Variants in LRRC37A2 observed in about 807,000 individuals in gnomAD.
LRRC37A2 encodes leucine rich repeat containing 37 member A2, also known as leucine-rich repeat-containing protein 37A2.
Under a neutral mutation model 68.8 loss-of-function variants are expected in LRRC37A2, and 9 were observed. That is an observed-to-expected ratio of 0.13 (90% confidence interval 0.08 to 0.23). The LOEUF (loss-of-function observed/expected upper bound fraction) is 0.23, where lower values mean the gene tolerates loss of function less well. Ranked by LOEUF, LRRC37A2 falls within the 10% of genes least tolerant of loss-of-function variation. The pLI is 1.00. For missense variants in LRRC37A2, 168 were observed against 950.4 expected (o/e 0.18, Z 10.82); for synonymous variants, 63 against 367.6 (o/e 0.17, Z 9.48).
At chr17:46,969,327 G>A in the LRRC37A2 span, among the ~76,000 whole-genome samples, 6 of 152,198 alleles carry the variant, frequency 3.9e-5, no homozygotes, top group Admixed American at 1.3e-4. Context: ...ACTGAGAGCC[G>A]GGCAGGGAGG....
the LRRC37A2 span, among the ~76,000 whole-genome samples, chr17:46,769,301 G>A: frequency 1.4e-5 from 2 of 139,456 alleles, no homozygotes; most frequent in African/African-American, 2.7e-5. Flanking sequence ...GGGCGACTGA[G>A]CGAGACTCCG....
chr17:46,497,311 T>C, the LRRC37A2 span, among the ~76,000 whole-genome samples: 2 of 148,654 alleles, frequency 1.3e-5, no homozygotes, highest in Non-Finnish European at 2.9e-5. Context: ...TTGATGATGA[T>C]TGGATTTAGG....
chr17:46,803,031 A>C, the LRRC37A2 span, among the ~76,000 whole-genome samples: 1 of 152,196 alleles, frequency 6.6e-6, no homozygotes, highest in Non-Finnish European at 1.5e-5. Flanking sequence ...CTGGGAACTA[A>C]GACCTCAACC....
At chr17:46,779,120 C>A in the LRRC37A2 span, among the ~76,000 whole-genome samples, 3 of 148,590 alleles carry the variant, frequency 2.0e-5, no homozygotes, top group African/African-American at 7.5e-5. Context: ...CCCACTCGGC[C>A]TTCCAAAGGG....
chr17:46,760,643 A>G, the LRRC37A2 span, among the ~76,000 whole-genome samples: 46 of 151,068 alleles, frequency 3.0e-4, 1 homozygote, highest in Non-Finnish European at 4.7e-4. Context: ...CAAAAAAAAA[A>G]AAAAAAAGAA....
the LRRC37A2 span, chr17:46,936,981 G>A: frequency 0.011 from 2,201 of 204,122 alleles, 46 homozygotes; most frequent in African/African-American, 0.05. Context: ...AAAAAAAAAA[G>A]GATATGGGGC....
the LRRC37A2 span, among the ~76,000 whole-genome samples, chr17:46,759,601 A>T: frequency 6.6e-6 from 1 of 152,262 alleles, no homozygotes; most frequent in Non-Finnish European, 1.5e-5. Flanking sequence ...GCGTAGCTGC[A>T]CTGACTTCAC....
the LRRC37A2 span, among the ~76,000 whole-genome samples, chr17:46,995,067 G>A: frequency 6.6e-6 from 1 of 152,228 alleles, no homozygotes; most frequent in Non-Finnish European, 1.5e-5. Context: ...AGGTTGCAGT[G>A]AGCAGAGATC....
chr17:46,794,914 C>G, the LRRC37A2 span, among the ~76,000 whole-genome samples: 1 of 152,058 alleles, frequency 6.6e-6, no homozygotes, highest in African/African-American at 2.4e-5. Context: ...CCATGCTTGG[C>G]TAATTTTTGT....
At chr17:47,025,518 G>C in the LRRC37A2 span, among the ~76,000 whole-genome samples, 2 of 152,164 alleles carry the variant, frequency 1.3e-5, no homozygotes, top group Non-Finnish European at 2.9e-5. Context: ...TGATGGTTAA[G>C]TGGTAGAGCT....
the LRRC37A2 span, among the ~76,000 whole-genome samples, chr17:46,820,645 G>A: frequency 6.6e-6 from 1 of 152,116 alleles, no homozygotes; most frequent in African/African-American, 2.4e-5. Context: ...CTGGAAAGAG[G>A]GTTACCATTG....
the LRRC37A2 span, among the ~76,000 whole-genome samples, chr17:46,731,425 T>G: frequency 5.3e-5 from 8 of 152,266 alleles, no homozygotes; most frequent in South Asian, 2.1e-4. Flanking sequence ...TTTGGTGGTG[T>G]TGTGTATATC....
chr17:46,816,271 T>C, the LRRC37A2 span, among the ~76,000 whole-genome samples: 1 of 152,028 alleles, frequency 6.6e-6, no homozygotes, highest in South Asian at 2.1e-4. Context: ...CTTACACATG[T>C]ACATACACAC....
chr17:47,031,130 A>T, the LRRC37A2 span, among the ~76,000 whole-genome samples: 2 of 149,702 alleles, frequency 1.3e-5, no homozygotes, highest in Non-Finnish European at 3.0e-5. Flanking sequence ...ATTGACAAAT[A>T]CTGACTGGCC....
the LRRC37A2 span, among the ~76,000 whole-genome samples, chr17:46,500,516 T>G: frequency 1.3e-5 from 2 of 149,682 alleles, no homozygotes; most frequent in Admixed American, 1.3e-4. Context: ...TCCACTTCAG[T>G]TTTAGGAAGG....
chr17:46,749,001 G>A, the LRRC37A2 span, among the ~76,000 whole-genome samples: 1 of 152,166 alleles, frequency 6.6e-6, no homozygotes, highest in Admixed American at 6.5e-5. Context: ...CATGTGGTGG[G>A]GGAAGGGGGG....
the LRRC37A2 span, chr17:47,017,497 C>T: frequency 4.2e-5 from 66 of 1,563,806 alleles, no homozygotes; most frequent in South Asian, 5.6e-5. Context: ...CCCCAGGAAT[C>T]GACTGAAAAT....
At chr17:46,779,748 G>A in the LRRC37A2 span, among the ~76,000 whole-genome samples, 1 of 126,168 alleles carries the variant, frequency 7.9e-6, no homozygotes, top group Non-Finnish European at 1.6e-5. Flanking sequence ...GTGAGCACAA[G>A]GCAGAGAGGA....
chr17:46,592,860 A>C, the LRRC37A2 span, among the ~76,000 whole-genome samples: 1 of 125,570 alleles, frequency 8.0e-6, no homozygotes, highest in Non-Finnish European at 1.7e-5. Flanking sequence ...TATCTCACTG[A>C]ATGATACCAT....
Sources: gnomAD v4.1 joint callset for allele counts (sites outside exome capture counted in the v4.1 genomes callset) on GRCh38, gnomAD v4.1.1 for gene constraint, MANE v1.5 for transcripts, NCBI Gene and HGNC (gene_info 2026-07-23, HGNC 2026-07-21) for gene names.